UBE2N: variants seen among roughly 807,000 people sequenced by gnomAD.
UBE2N encodes the protein ubiquitin-conjugating enzyme E2 N.
For missense variants in UBE2N, 60 were observed against 192.1 expected, an observed-to-expected ratio of 0.31 and a Z score of 4.07; for synonymous variants, 70 against 69.2, an observed-to-expected ratio of 1.01 and a Z score of -0.06.
At chr12:93,415,014 T>C (rs1371245544) in intron 1 of UBE2N, among the ~76,000 whole-genome samples, 1 of 152,164 alleles carries the variant, frequency 6.6e-6, no homozygotes, top group Non-Finnish European at 1.5e-5. Flanking sequence ...ATTTCATCGT[T>C]AACATCATTA....
At chr12:93,441,768 G>A in intron 1 of UBE2N, 87 bp downstream of exon 1, 1 of 1,534,980 alleles carries the variant, frequency 6.5e-7, no homozygotes, top group East Asian at 2.7e-5. Context: ...GCGGGCCGCG[G>A]GCCGAAGGAG....
intron 1 of UBE2N, among the ~76,000 whole-genome samples, chr12:93,429,024 C>A (rs1356946549): frequency 1.3e-5 from 2 of 152,126 alleles, no homozygotes; most frequent in Non-Finnish European, 2.9e-5. Flanking sequence ...GTAATCCCAG[C>A]ACTTTTGGAG....
chr12:93,412,619 A>T (rs1046559993), intron 1 of UBE2N, among the ~76,000 whole-genome samples: 12 of 152,356 alleles, frequency 7.9e-5, no homozygotes, highest in Non-Finnish European at 1.8e-4. Context: ...TTATAACCTG[A>T]CGCGTCCACC....
chr12:93,438,109 C>G (rs970575480), intron 1 of UBE2N, among the ~76,000 whole-genome samples: 3 of 152,186 alleles, frequency 2.0e-5, no homozygotes, highest in Non-Finnish European at 4.4e-5. Flanking sequence ...TAAGGCTCAT[C>G]TATTCAGTTA....
chr12:93,431,621 T>C (rs1185245203), intron 1 of UBE2N, among the ~76,000 whole-genome samples: 2 of 152,234 alleles, frequency 1.3e-5, no homozygotes, highest in Non-Finnish European at 1.5e-5. Flanking sequence ...ATAAAAACTA[T>C]ATGACCAACC....
intron 1 of UBE2N, among the ~76,000 whole-genome samples, chr12:93,429,039 A>G (rs1340422832): frequency 6.6e-6 from 1 of 152,154 alleles, no homozygotes; most frequent in Non-Finnish European, 1.5e-5. Flanking sequence ...TTGGAGGCTG[A>G]GGCGGGCGGA....
chr12:93,434,916 A>G (rs1167303967), intron 1 of UBE2N, among the ~76,000 whole-genome samples: 1 of 151,938 alleles, frequency 6.6e-6, no homozygotes, highest in Non-Finnish European at 1.5e-5. Flanking sequence ...TTATTTATTT[A>G]TTTAAGAGAC....
chr12:93,426,587 T>C (rs542556975), intron 1 of UBE2N, among the ~76,000 whole-genome samples: 2 of 152,278 alleles, frequency 1.3e-5, no homozygotes, highest in Non-Finnish European at 2.9e-5. Context: ...CTGACAAGTC[T>C]GAAGTCAAGC....
intron 1 of UBE2N, among the ~76,000 whole-genome samples, chr12:93,434,207 G>A (rs756222904): frequency 2.6e-5 from 4 of 152,202 alleles, no homozygotes; most frequent in South Asian, 4.1e-4. Context: ...CAGGAGAATC[G>A]CTTGAACCTG....
At chr12:93,413,173 T>G (rs1015845637) in intron 1 of UBE2N, among the ~76,000 whole-genome samples, 1 of 152,190 alleles carries the variant, frequency 6.6e-6, no homozygotes, top group Non-Finnish European at 1.5e-5. Flanking sequence ...AATCTTTATC[T>G]TACCTAAATG....
chr12:93,417,544 A>G (rs1369079380), intron 1 of UBE2N, among the ~76,000 whole-genome samples: 2 of 152,232 alleles, frequency 1.3e-5, no homozygotes, highest in African/African-American at 4.8e-5. Context: ...GTAACTATCT[A>G]TATCCCAGTG....
At chr12:93,423,588 G>C (rs1878484161) in intron 1 of UBE2N, among the ~76,000 whole-genome samples, 1 of 152,128 alleles carries the variant, frequency 6.6e-6, no homozygotes, top group Non-Finnish European at 1.5e-5. Context: ...GGGGGAAGAG[G>C]CTCAAGAGTT....
intron 1 of UBE2N, among the ~76,000 whole-genome samples, chr12:93,421,766 G>C (rs1041760638): frequency 6.6e-5 from 10 of 152,062 alleles, no homozygotes; most frequent in African/African-American, 2.4e-4. Context: ...AAACCATTTT[G>C]CCTATCTTTG....
chr12:93,413,050 C>A (rs960358990), intron 1 of UBE2N, among the ~76,000 whole-genome samples: 1 of 152,138 alleles, frequency 6.6e-6, no homozygotes, highest in Non-Finnish European at 1.5e-5. Flanking sequence ...TCTCCAATTT[C>A]TCTCCTCCTC....
intron 1 of UBE2N, among the ~76,000 whole-genome samples, chr12:93,414,732 T>C (rs1878148998): frequency 6.6e-6 from 1 of 152,174 alleles, no homozygotes; most frequent in South Asian, 2.1e-4. Flanking sequence ...AGTGAAGCCA[T>C]CATAACTGAA....
intron 1 of UBE2N, among the ~76,000 whole-genome samples, chr12:93,439,304 T>C (rs555483597): frequency 2.6e-5 from 4 of 152,156 alleles, no homozygotes; most frequent in South Asian, 2.1e-4. Flanking sequence ...CTGGGCAACA[T>C]GGCGAAACCC....
At position 93,441,778 on chromosome 12, in the gene UBE2N, G is replaced by A. The variant is rs552072934; in HGVS notation, c.30+77C>T. ...CCAGAGCGGGCCGCGGGCCGAAGGA[G>A]GCGAGAGGCCGCGCTGCCTGCCCAG... On this transcript the variant is annotated intron_variant, in intron 1 of 3. Transcript: ENST00000318066. The A allele has an allele frequency of 2.8e-5, 43 of 1,553,736 alleles. No individual in the cohort carries two copies. In the East Asian group the frequency reaches 8.7e-4, roughly 32 times the overall value.
At chr12:93,434,208 C>G (rs1174056761) in intron 1 of UBE2N, among the ~76,000 whole-genome samples, 2 of 152,230 alleles carry the variant, frequency 1.3e-5, no homozygotes, top group African/African-American at 4.8e-5. Context: ...AGGAGAATCG[C>G]TTGAACCTGG....
Position 93,409,654 on chromosome 12 carries a change from A to G in UBE2N, c.*385T>C, listed in dbSNP as rs192648563. ...AAGGGGGAAAGGAGCCCATAAAATT[A>G]AACTACCTCCCCCCTCAAAAATAAA... On this transcript the variant is annotated 3_prime_UTR_variant, in exon 4 of 4. Coordinates refer to ENST00000318066, the MANE Select transcript of UBE2N (RefSeq NM_003348.4). 1 of 174,552 alleles carries G rather than the reference A, an allele frequency of 5.7e-6. No individual in the cohort carries two copies. The highest frequency in any genetic ancestry group is 1.4e-5 in the Non-Finnish European group (1 of 73,416). The allele number at this position is 174,552 out of a possible 1,614,324, so 10.8% of individuals were successfully genotyped here. A position where few individuals can be genotyped will look rare whatever the true frequency, so the allele number is the denominator to read the frequency against.
Sources: gnomAD v4.1 joint callset for allele counts (sites outside exome capture counted in the v4.1 genomes callset) on GRCh38, gnomAD v4.1.1 for gene constraint, MANE v1.5 for transcripts, NCBI Gene and HGNC (gene_info 2026-07-23, HGNC 2026-07-21) for gene names.